Variants in UBN1 observed in about 807,000 individuals in gnomAD.
UBN1 encodes the protein ubinuclein 1.
Under a neutral mutation model 108.5 loss-of-function variants are expected in UBN1, and 17 were observed. The ratio of observed to expected loss-of-function variants is 0.16; its 90% CI spans 0.11 to 0.24. The LOEUF is 0.24. Ranked by LOEUF, UBN1 falls within the 10% of genes least tolerant of loss-of-function variation. The pLI, the probability that UBN1 is intolerant of heterozygous loss-of-function variation, is 1.00. For missense variants in UBN1, 1,595 were observed against 1,394.4 expected, an observed-to-expected ratio of 1.14 and a Z score of -2.29; for synonymous variants, 726 against 564.2, an observed-to-expected ratio of 1.29 and a Z score of -4.07.
intron 2 of UBN1, among the ~76,000 whole-genome samples, chr16:4,857,295 G>A (rs2086860327): frequency 6.6e-6 from 1 of 150,978 alleles, no homozygotes; most frequent in Admixed American, 6.6e-5. Context: ...AGGCTACAGT[G>A]AGTCATGATT....
chr16:4,849,607 T>C (rs2086439524), intron 1 of UBN1, among the ~76,000 whole-genome samples: 1 of 151,884 alleles, frequency 6.6e-6, no homozygotes, highest in Admixed American at 6.6e-5. Context: ...TTTTTTTTGT[T>C]TGAGACGGAG....
chr16:4,870,690 C>A, intron 10 of UBN1, 56 bp downstream of exon 10: 4 of 1,604,936 alleles, frequency 2.5e-6, no homozygotes, highest in Non-Finnish European at 3.4e-6. Context: ...TCTTCCCCTC[C>A]CGTTTCTCGG....
At position 4,877,222 on chromosome 16, in the gene UBN1, G is replaced by A. The variant is rs761724255; in HGVS notation, c.3265+111G>A. On this transcript the variant is annotated intron_variant, in intron 16 of 17. Coordinates refer to ENST00000262376, the MANE Select transcript of UBN1 (RefSeq NM_001079514.3). The surrounding 1 kb of genome is among the most constrained non-coding windows in gnomAD (Gnocchi z 4.3). ...GTTTGAGTCTGGTGTGTGACTGTGG[G>A]GAACATCTCCGGGAACTGTGCCAAG... is the stretch of plus-strand genomic sequence containing the variant. 5 of 1,515,984 alleles carry A rather than the reference G, an allele frequency of 3.3e-6. No homozygotes were observed. The highest frequency in any genetic ancestry group is 2.1e-5 in the Admixed American group (1 of 48,536). 93.9% of individuals were successfully genotyped at this position (1,515,984 alleles called of 1,614,324 possible).
intron 17 of UBN1, among the ~76,000 whole-genome samples, chr16:4,879,624 G>A (rs887784918): frequency 7.9e-5 from 12 of 152,230 alleles, no homozygotes; most frequent in Admixed American, 1.3e-4. Flanking sequence ...TTTCAGCTGC[G>A]TGACTTGTGT....
chr16:4,876,803 C>A, intron 15 of UBN1, 68 bp from the exon 16 acceptor site: 1 of 1,520,222 alleles, frequency 6.6e-7, no homozygotes, highest in Non-Finnish European at 8.8e-7. Flanking sequence ...CTTTGTGTTG[C>A]CAGGTTTGGT....
chr16:4,859,785 G>C (rs572908363), intron 5 of UBN1, 80 bp from the exon 6 acceptor site: 2 of 1,586,034 alleles, frequency 1.3e-6, no homozygotes, highest in African/African-American at 1.4e-5. Flanking sequence ...TGCCCCGGGC[G>C]GAGCAAGGCC....
In UBN1 at chr16:4,876,887, C is replaced by G; in HGVS notation, c.3041C>G (p.Thr1014Ser). The G allele has an allele frequency of 1.2e-6, 2 of 1,607,882 alleles. No individual in the cohort carries two copies. The stretch of plus-strand genomic sequence containing the variant: ...CTTCCCTAGAAAGGAGCGAGTGGGA[C>G]TGTGCTGCTGGCCGGCTCCTCTTTG... ...STSLSKGASG[T>S]VLLAGSSLMA... Residue 1014 changes from threonine (T) to serine (S), a missense_variant, in exon 16 of 18, where the codon ACT becomes AGT. Thr to Ser is a moderately conservative substitution (Grantham distance 58). This residue lies in a region of UBN1 where 1,398 missense variants were observed against 1,194.7 expected (regional missense o/e 1.17). Transcript: ENST00000262376.
chr16:4,870,724 G>A (rs2087588393), intron 10 of UBN1, 90 bp downstream of exon 10: 8 of 1,586,474 alleles, frequency 5.0e-6, no homozygotes, highest in African/African-American at 2.7e-5. Flanking sequence ...TTCCCAAGGA[G>A]CCTCTTGGCT....
intron 7 of UBN1, among the ~76,000 whole-genome samples, chr16:4,866,984 C>T (rs907059306): frequency 1.3e-5 from 2 of 152,216 alleles, no homozygotes; most frequent in Non-Finnish European, 2.9e-5. Context: ...AGGAAGCAGA[C>T]TGGAGGCAAC....
chr16:4,865,978 T>TA (rs1451292886), intron 7 of UBN1, among the ~76,000 whole-genome samples: 1 of 151,792 alleles, frequency 6.6e-6, no homozygotes, highest in East Asian at 1.9e-4. Flanking sequence ...TAAACTAAAA[T>TA]AAAAAAATAA....
chr16:4,865,544 A>C (rs1369342152), intron 7 of UBN1, among the ~76,000 whole-genome samples: 2 of 152,132 alleles, frequency 1.3e-5, no homozygotes, highest in African/African-American at 4.8e-5. Flanking sequence ...GGTTGCGTGC[A>C]GCTGTAGTCC....
Position 4,880,959 on chromosome 16 carries a change from G to C in UBN1, c.*827G>C, listed in dbSNP as rs139432862. The C allele has an allele frequency of 2.6e-5, 4 of 152,560 alleles. No homozygotes were observed. Among genetic ancestry groups the C allele is most frequent in the Non-Finnish European group, 5.9e-5 (4 of 68,030 alleles). 9.5% of individuals were successfully genotyped at this position (152,560 alleles called of 1,614,324 possible). On this transcript the variant is annotated 3_prime_UTR_variant, in exon 18 of 18. Coordinates refer to ENST00000262376, the MANE Select transcript of UBN1 (RefSeq NM_001079514.3). The stretch of plus-strand genomic sequence containing the variant: ...GATCTGAGACGAAGACCTTTTTAAA[G>C]ATATGTCTGTATTGAAGAGAAAGCC...
intron 14 of UBN1, among the ~76,000 whole-genome samples, chr16:4,873,967 C>T (rs1180965116): frequency 6.6e-6 from 1 of 152,214 alleles, no homozygotes; most frequent in Non-Finnish European, 1.5e-5. Flanking sequence ...CTTGTTTGTA[C>T]TTAGCAACGA....
chr16:4,852,819 A>T, intron 1 of UBN1, 60 bp from the exon 2 acceptor site: 1 of 1,409,386 alleles, frequency 7.1e-7, no homozygotes, highest in South Asian at 1.4e-5. Flanking sequence ...CTCTTTAATT[A>T]GGCAGGTAAA....
chr16:4,861,173 G>A (rs533331028), intron 7 of UBN1, 71 bp downstream of exon 7: 143 of 1,476,330 alleles, frequency 9.7e-5, no homozygotes, highest in South Asian at 9.3e-4. Context: ...TCTGCACTGC[G>A]TGAAGCTTGC....
intron 1 of UBN1, among the ~76,000 whole-genome samples, chr16:4,851,890 A>T (rs2086574937): frequency 1.3e-5 from 2 of 152,202 alleles, no homozygotes; most frequent in Admixed American, 1.3e-4. Flanking sequence ...AACAGCAAAT[A>T]ACAAAACAAG....
At chr16:4,857,492 A>G (rs377535139) in intron 2 of UBN1, among the ~76,000 whole-genome samples, 2 of 152,072 alleles carry the variant, frequency 1.3e-5, no homozygotes, top group Non-Finnish European at 2.9e-5. Context: ...TAACTTTGGT[A>G]GCACCGAGAG....
At position 4,874,249 on chromosome 16, in the gene UBN1, A is replaced by G. The variant is rs748850912; in HGVS notation, c.1839A>G (p.Pro613=). The change falls in exon 15 of 18, where the codon CCA becomes CCG. Residue 613 remains proline, a synonymous_variant. Transcript: ENST00000262376. ...STKPDKKVSV[P]SGQIGGPIAL... ...AGCCTGATAAAAAGGTTTCTGTCCC[A>G]TCAGGACAGATTGGTGGCCCCATTG... 71 of 1,604,674 alleles carry G rather than the reference A, an allele frequency of 4.4e-5. No individual in the cohort carries two copies. The highest frequency in any genetic ancestry group is 5.3e-5 in the Non-Finnish European group (62 of 1,174,950).
chr16:4,874,556 A>G lies in UBN1; in HGVS notation c.2146A>G (p.Arg716Gly). 1.2e-6 allele frequency: 2 copies of G among 1,614,202 alleles called. No homozygotes were observed. The highest frequency in any genetic ancestry group is 4.5e-5 in the East Asian group (2 of 44,884). ...VGGVLCTEEK[R>G]NFAKPSPSAP... Reference sequence around the variant, plus strand: ...AGGCGTTTTATGTACAGAAGAAAAAAGGAACTTTGCGAAGCCTAGTCCTTC... The same window carrying G: ...AGGCGTTTTATGTACAGAAGAAAAAGGGAACTTTGCGAAGCCTAGTCCTTC... The change falls in exon 15 of 18, where the codon AGG becomes GGG. Residue 716 changes from arginine to glycine, a missense_variant. By Grantham distance (125) the Arg-to-Gly change is moderately radical. This residue lies in a region of UBN1 where 1,398 missense variants were observed against 1,194.7 expected (regional missense o/e 1.17). Transcript: ENST00000262376.
Sources: allele counts gnomAD v4.1 joint callset (sites outside exome capture counted in the v4.1 genomes callset), GRCh38; gene constraint gnomAD v4.1.1; regional missense constraint gnomAD v4.1.1; non-coding constraint Gnocchi (gnomAD v3.1); transcripts MANE v1.5; gene names NCBI Gene and HGNC (gene_info 2026-07-23, HGNC 2026-07-21).